The following SLC41A2 variants were observed in gnomAD, a reference collection of about 807,000 sequenced individuals.
SLC41A2 encodes solute carrier family 41 member 2, also known as SLC41A1-like 1.
A neutral mutation model predicts 58.3 loss-of-function variants in SLC41A2; 32 were observed. The ratio of observed to expected loss-of-function variants is 0.55; its 90% confidence interval spans 0.41 to 0.74. The LOEUF (loss-of-function observed/expected upper bound fraction) is 0.74. Ranked by LOEUF, SLC41A2 falls within the 30% of genes least tolerant of loss-of-function variation. The pLI is 0.00. For synonymous variants in SLC41A2, 190 were observed against 235.0 expected, an observed-to-expected ratio of 0.81 and a Z score of 1.75; for missense variants, 514 against 680.6, an observed-to-expected ratio of 0.76 and a Z score of 2.72.
intron 10 of SLC41A2, among the ~76,000 whole-genome samples, chr12:104,830,513 T>C (rs113935870): frequency 7.9e-5 from 12 of 152,212 alleles, no homozygotes; most frequent in African/African-American, 2.9e-4. Flanking sequence ...GTTAGTTGAA[T>C]ACACGTATGT....
At chr12:104,905,804 C>T (rs868458981) in intron 3 of SLC41A2, among the ~76,000 whole-genome samples, 1 of 152,242 alleles carries the variant, frequency 6.6e-6, no homozygotes, top group South Asian at 2.1e-4. Context: ...CTGGCTGCTC[C>T]GAGTGCGGGG....
intron 10 of SLC41A2, among the ~76,000 whole-genome samples, chr12:104,811,356 A>G (rs1316573007): frequency 6.6e-6 from 1 of 152,250 alleles, no homozygotes; most frequent in Non-Finnish European, 1.5e-5. Flanking sequence ...AAAATGAACT[A>G]TATAAATCAA....
chr12:104,869,518 A>C (rs922473071), intron 6 of SLC41A2, among the ~76,000 whole-genome samples: 10 of 152,176 alleles, frequency 6.6e-5, no homozygotes, highest in Non-Finnish European at 1.3e-4. Context: ...CTATTCTATA[A>C]ACATATAATT....
intron 1 of SLC41A2, among the ~76,000 whole-genome samples, chr12:104,930,842 C>A (rs78573482): frequency 6.6e-6 from 1 of 152,208 alleles, no homozygotes; most frequent in Non-Finnish European, 1.5e-5. Context: ...TCAGTCATCT[C>A]GCAGAATATG....
chr12:104,909,345 T>C (rs552791608), intron 3 of SLC41A2, among the ~76,000 whole-genome samples: 1 of 152,290 alleles, frequency 6.6e-6, no homozygotes, highest in Non-Finnish European at 1.5e-5. Flanking sequence ...AAAGTTTAAA[T>C]ACCAATCAAC....
chr12:104,928,405 T>C lies in SLC41A2; in HGVS notation c.123A>G (p.Leu41=), dbSNP rs765914405. Residue 41 remains leucine, a synonymous_variant, in exon 2 of 11, where the codon TTA becomes TTG. Coordinates refer to ENST00000258538, the MANE Select transcript of SLC41A2 (RefSeq NM_001352171.3). ...AAATCACTGGAACCATACTCAAGAG[T>C]AAATTTAAAAACTTGTCGGATTGAA... is the stretch of plus-strand genomic sequence containing the variant. ...NTIQSDKFLN[L]LLSMVPVIYQ... 3 of 1,562,650 alleles carry C rather than the reference T, an allele frequency of 1.9e-6. No homozygotes were observed. The Admixed American group carries it at 5.8e-5, about 30-fold the overall frequency.
intron 1 of SLC41A2, among the ~76,000 whole-genome samples, chr12:104,937,346 T>C (rs1179407828): frequency 6.6e-6 from 1 of 152,184 alleles, no homozygotes; most frequent in Non-Finnish European, 1.5e-5. Context: ...TATACAGGTG[T>C]ATCATTTTTT....
intron 4 of SLC41A2, among the ~76,000 whole-genome samples, chr12:104,894,453 T>C (rs2045183513): frequency 6.6e-6 from 1 of 152,132 alleles, no homozygotes; most frequent in African/African-American, 2.4e-5. Context: ...ACAAAGGTTA[T>C]AAACTGTTTA....
intron 10 of SLC41A2, among the ~76,000 whole-genome samples, chr12:104,829,782 G>T (rs551584133): frequency 1.1e-4 from 16 of 151,794 alleles, no homozygotes; most frequent in Admixed American, 4.6e-4. Context: ...CCCACAAGAT[G>T]GGAATAATTT....
chr12:104,909,826 C>T (rs1387984370), intron 2 of SLC41A2, 64 bp from the exon 3 acceptor site: 1 of 1,136,726 alleles, frequency 8.8e-7, no homozygotes, highest in East Asian at 2.5e-5. Flanking sequence ...AGAACAAAGA[C>T]ATTTCTAAAA....
chr12:104,811,699 T>A (rs1292112600), intron 10 of SLC41A2, among the ~76,000 whole-genome samples: 1 of 152,228 alleles, frequency 6.6e-6, no homozygotes, highest in African/African-American at 2.4e-5. Flanking sequence ...ATTTCATAAT[T>A]TTAAAAAATG....
At chr12:104,925,489 C>T (rs750335563) in intron 2 of SLC41A2, among the ~76,000 whole-genome samples, 2 of 151,592 alleles carry the variant, frequency 1.3e-5, no homozygotes, top group African/African-American at 2.4e-5. Flanking sequence ...ACCCGGGAGG[C>T]GGAGTTTGCA....
At chr12:104,811,722 T>C (rs1220804090) in intron 10 of SLC41A2, among the ~76,000 whole-genome samples, 1 of 152,226 alleles carries the variant, frequency 6.6e-6, no homozygotes, top group Non-Finnish European at 1.5e-5. Context: ...AACCATTGTG[T>C]TAATGGTAAC....
intron 6 of SLC41A2, among the ~76,000 whole-genome samples, chr12:104,870,615 A>G (rs771272264): frequency 6.6e-6 from 1 of 152,228 alleles, no homozygotes; most frequent in Non-Finnish European, 1.5e-5. Flanking sequence ...AGATTAACAC[A>G]GCTAAAGTGG....
chr12:104,822,678 G>A (rs932378980), intron 10 of SLC41A2, among the ~76,000 whole-genome samples: 5 of 152,072 alleles, frequency 3.3e-5, no homozygotes, highest in African/African-American at 1.2e-4. Flanking sequence ...TCAGTATAGA[G>A]ACCTATTTCT....
chr12:104,838,266 T>G (rs17036430), intron 10 of SLC41A2, among the ~76,000 whole-genome samples: 2,757 of 152,318 alleles, frequency 0.018, 103 homozygotes, highest in African/African-American at 0.062. Flanking sequence ...CGTAGGTATA[T>G]TCACATTACA....
At chr12:104,852,575 TAAAC>T (rs1236762840) in intron 8 of SLC41A2, among the ~76,000 whole-genome samples, 4 of 152,180 alleles carry the variant, frequency 2.6e-5, no homozygotes, top group African/African-American at 4.8e-5. Context: ...GTCTTATAAA[TAAAC>T]AGTTTATCAC....
chr12:104,925,243 ACATT>A (rs1342113586), intron 2 of SLC41A2, among the ~76,000 whole-genome samples: 1 of 152,246 alleles, frequency 6.6e-6, no homozygotes, highest in South Asian at 2.1e-4. Context: ...TTAAAAGAGC[ACATT>A]CAAATAAAGT....
intron 1 of SLC41A2, among the ~76,000 whole-genome samples, chr12:104,934,954 TTTTG>T (rs755262097): frequency 5.3e-5 from 8 of 152,158 alleles, no homozygotes; most frequent in Admixed American, 6.6e-5. Flanking sequence ...TTTTTGTTTT[TTTTG>T]TTTGTTTGTT....
Sources: allele counts gnomAD v4.1 joint callset (sites outside exome capture counted in the v4.1 genomes callset), GRCh38; gene constraint gnomAD v4.1.1; transcripts MANE v1.5; gene names NCBI Gene and HGNC (gene_info 2026-07-23, HGNC 2026-07-21).